LARP1: variants seen among roughly 807,000 people sequenced by gnomAD.
LARP1 encodes the protein la-related protein 1.
Under a neutral mutation model 122.7 loss-of-function variants are expected in LARP1, and 36 were observed. The ratio of observed to expected loss-of-function variants is 0.29; its 90% CI spans 0.22 to 0.39. LARP1 has a LOEUF of 0.39. LARP1 is among the 10% of genes least tolerant of loss of function. The pLI is 1.00. For missense variants in LARP1, 1,040 were observed against 1,403.6 expected (o/e 0.74, Z 4.14); for synonymous variants, 539 against 528.7 (o/e 1.02, Z -0.27).
At chr5:154,777,155 ATACTG>A (rs941653848) in intron 1 of LARP1, among the ~76,000 whole-genome samples, 1 of 152,180 alleles carries the variant, frequency 6.6e-6, no homozygotes, top group African/African-American at 2.4e-5. Context: ...CCTATACTGA[ATACTG>A]TAGGAGTTGT....
At chr5:154,725,990 G>A (rs186784176) in intron 1 of LARP1, among the ~76,000 whole-genome samples, 195 of 150,018 alleles carry the variant, frequency 1.3e-3, no homozygotes, top group African/African-American at 4.7e-3. Context: ...ACAGGCTCCC[G>A]CCACCACACC....
At chr5:154,726,557 A>T (rs569791857) in intron 1 of LARP1, among the ~76,000 whole-genome samples, 1 of 152,348 alleles carries the variant, frequency 6.6e-6, no homozygotes, top group Non-Finnish European at 1.5e-5. Flanking sequence ...GAATTTCTGC[A>T]TATAAGTACA....
chr5:154,715,784 A>G (rs1314489477), intron 1 of LARP1, among the ~76,000 whole-genome samples: 2 of 152,206 alleles, frequency 1.3e-5, no homozygotes, highest in Non-Finnish European at 2.9e-5. Flanking sequence ...AGGGATTGGG[A>G]ATTCCTCCAA....
chr5:154,804,111 G>A (rs1195900046), intron 13 of LARP1, 90 bp from the exon 14 acceptor site: 4 of 910,924 alleles, frequency 4.4e-6, no homozygotes, highest in Non-Finnish European at 7.2e-6. Flanking sequence ...AAATGTGAGA[G>A]ATCATGCCCA....
At chr5:154,733,963 C>G (rs186883226) in intron 1 of LARP1, among the ~76,000 whole-genome samples, 1 of 151,858 alleles carries the variant, frequency 6.6e-6, no homozygotes, top group South Asian at 2.1e-4. Flanking sequence ...TTCGGGAGAT[C>G]GAGACCATCC....
chr5:154,756,269 C>T (rs1290910670), intron 1 of LARP1, 76 bp downstream of exon 1: 1 of 1,085,828 alleles, frequency 9.2e-7, no homozygotes, highest in Middle Eastern at 3.8e-4. Context: ...CCAGCACCTC[C>T]AGGGCCCCGG....
At chr5:154,690,161 G>A (rs974019403) in intron 1 of LARP1, among the ~76,000 whole-genome samples, 5 of 99,276 alleles carry the variant, frequency 5.0e-5, no homozygotes, top group Non-Finnish European at 1.4e-4. Flanking sequence ...TTAGTGGTGC[G>A]GGGGAGGGCA....
chr5:154,813,722 G>C (rs776773587), intron 18 of LARP1, among the ~76,000 whole-genome samples, 165 bp from the exon 19 acceptor site: 2 of 152,172 alleles, frequency 1.3e-5, no homozygotes, highest in Non-Finnish European at 2.9e-5. Context: ...ACAGCACAAG[G>C]CTTGGCATGA....
intron 1 of LARP1, among the ~76,000 whole-genome samples, chr5:154,781,588 C>T (rs753919183): frequency 1.2e-4 from 18 of 151,214 alleles, no homozygotes; most frequent in Non-Finnish European, 2.5e-4. Context: ...AGTGAGACTC[C>T]GTCTCAAAAA....
intron 1 of LARP1, among the ~76,000 whole-genome samples, chr5:154,785,471 C>T (rs1756807080): frequency 1.3e-5 from 2 of 152,150 alleles, no homozygotes; most frequent in Admixed American, 6.6e-5. Context: ...ATTTGTTGGG[C>T]ATTTATTGTG....
At position 154,755,768 on chromosome 5, in the gene LARP1, A is replaced by C; in HGVS notation, c.11A>C (p.Gln4Pro). 1.0e-6 allele frequency: 1 copy of C among 987,958 alleles called. No homozygotes were observed. Among genetic ancestry groups the C allele is most frequent in the Non-Finnish European group, 1.2e-6 (1 of 831,130 alleles). 61.2% of individuals were successfully genotyped at this position (987,958 alleles called of 1,614,324 possible). A position where few individuals can be genotyped will look rare whatever the true frequency, so the allele number is the denominator to read the frequency against. MAT[Q>P]VEPLLPGGAT... ...GGGGCGGGCGCGCAGATGGCCACTC[A>C]GGTGGAGCCGCTGCTGCCTGGGGGC... The change falls in exon 1 of 19, where the codon CAG becomes CCG. Residue 4 changes from glutamine (Q) to proline (P), a missense_variant. By Grantham distance (76) the Gln-to-Pro change is moderately conservative. Around this residue, in one of 8 missense-constraint regions of LARP1, gnomAD observed 257 missense variants for 273.3 expected, o/e 0.94. Coordinates refer to ENST00000518297, the MANE Select transcript of LARP1 (RefSeq NM_033551.3).
At chr5:154,716,046 C>T (rs1755485051) in intron 1 of LARP1, among the ~76,000 whole-genome samples, 1 of 152,106 alleles carries the variant, frequency 6.6e-6, no homozygotes. Context: ...TTACCCCTTC[C>T]ACCAGAAGTT....
intron 1 of LARP1, among the ~76,000 whole-genome samples, chr5:154,741,461 G>A (rs1198320915): frequency 6.6e-6 from 1 of 152,206 alleles, no homozygotes; most frequent in East Asian, 1.9e-4. Context: ...AAAATCAGAG[G>A]TTGTGATCTG....
chr5:154,804,466 C>G lies in LARP1; in HGVS notation c.2546+159C>G, dbSNP rs147382839. Reference sequence around the variant, plus strand: ...TGGTGTGGAAAGCTCAGCCCAGGACCTGGGAATGACGGGTAGGCTTTTTTC... The same window carrying G: ...TGGTGTGGAAAGCTCAGCCCAGGACGTGGGAATGACGGGTAGGCTTTTTTC... On this transcript the variant is annotated intron_variant, in intron 14 of 18. Transcript: ENST00000518297. 4.6e-3 allele frequency among the ~76,000 whole-genome samples: 695 copies of G among 152,252 alleles called. 2 individuals carry two copies. Among genetic ancestry groups the G allele is most frequent in the Non-Finnish European group, 7.3e-3 (498 of 68,016 alleles).
intron 1 of LARP1, among the ~76,000 whole-genome samples, chr5:154,687,858 G>A (rs1031089758): frequency 6.6e-6 from 1 of 152,190 alleles, no homozygotes; most frequent in Non-Finnish European, 1.5e-5. Flanking sequence ...TCTTGTCAGG[G>A]CCTGGAGTCC....
Position 154,802,046 on chromosome 5 carries a change from C to A in LARP1, c.1756C>A (p.Pro586Thr). 6.2e-7 allele frequency: 1 copy of A among 1,613,840 alleles called. No homozygotes were observed. The highest frequency in any genetic ancestry group is 8.5e-7 in the Non-Finnish European group (1 of 1,179,858). The change falls in exon 11 of 19, where the codon CCT (proline) becomes ACT (threonine). Residue 586 changes from proline to threonine, a missense_variant. Pro to Thr is a conservative substitution (Grantham distance 38). This residue lies in a region of LARP1 where 362 missense variants were observed against 533.1 expected (regional missense o/e 0.68). Transcript: ENST00000518297. The surrounding 1 kb of genome is among the most constrained non-coding windows in gnomAD (Gnocchi z 5.1). The part of the protein sequence containing the change: ...ESRFSHLTSL[P>T]QQLPSQQLMS... ...CAGATTTTCCCACCTGACCTCTCTG[C>A]CTCAGCAGCTGCCTTCCCAGCAGCT... is the stretch of plus-strand genomic sequence containing the variant.
At chr5:154,752,980 C>T (rs894709717), upstream of LARP1, among the ~76,000 whole-genome samples, 4 of 151,880 alleles carry the variant, frequency 2.6e-5, no homozygotes, top group African/African-American at 4.8e-5. Context: ...TTTCTCTGGC[C>T]CTAGTTTGTC....
At chr5:154,700,871 C>T (rs760451265) in intron 1 of LARP1, among the ~76,000 whole-genome samples, 7 of 151,994 alleles carry the variant, frequency 4.6e-5, no homozygotes, top group Non-Finnish European at 7.4e-5. Flanking sequence ...GCAGGAGAAT[C>T]GCTTGAACCC....
chr5:154,731,893 G>A (rs1285593242), intron 1 of LARP1, among the ~76,000 whole-genome samples: 2 of 151,926 alleles, frequency 1.3e-5, no homozygotes, highest in East Asian at 1.9e-4. Context: ...GTGATGGCCC[G>A]CGCCTGTAGT....
Sources: gnomAD v4.1 joint callset for allele counts (sites outside exome capture counted in the v4.1 genomes callset) on GRCh38, gnomAD v4.1.1 for gene constraint, gnomAD v4.1.1 regional missense constraint, Gnocchi (gnomAD v3.1) non-coding constraint, MANE v1.5 for transcripts, NCBI Gene and HGNC (gene_info 2026-07-23, HGNC 2026-07-21) for gene names.